Variants in PACRG observed in about 807,000 individuals in gnomAD.
The protein encoded by PACRG is parkin coregulated gene protein.
Under a neutral mutation model 29.7 loss-of-function variants are expected in PACRG, and 29 were observed. The observed-to-expected ratio is 0.98, with a 90% CI of 0.73 to 1.33. PACRG has a LOEUF of 1.33. Ranked by LOEUF, PACRG falls within the 40% of genes most tolerant of loss-of-function variation. PACRG has a pLI of 0.00. For synonymous variants in PACRG, 116 were observed against 118.7 expected (o/e 0.98, Z 0.15); for missense variants, 279 against 316.2 (o/e 0.88, Z 0.89).
At chr6:162,825,359 C>T (rs1225711683) in intron 2 of PACRG, among the ~76,000 whole-genome samples, 1 of 152,172 alleles carries the variant, frequency 6.6e-6, no homozygotes, top group Non-Finnish European at 1.5e-5. Flanking sequence ...TTCCAGCTTT[C>T]ACATCTCTGC....
intron 2 of PACRG, among the ~76,000 whole-genome samples, chr6:162,852,927 A>C (rs2128428288): frequency 6.6e-6 from 1 of 152,312 alleles, no homozygotes; most frequent in African/African-American, 2.4e-5. Context: ...AAACTGCCTG[A>C]CTTACAACAG....
At chr6:163,130,773 G>A (rs550413337) in intron 4 of PACRG, among the ~76,000 whole-genome samples, 3 of 152,122 alleles carry the variant, frequency 2.0e-5, no homozygotes, top group Non-Finnish European at 2.9e-5. Context: ...TGCACTTAGC[G>A]GGTCCTTTGC....
chr6:163,176,851 A>G (rs1298523222), intron 4 of PACRG, among the ~76,000 whole-genome samples: 2 of 152,216 alleles, frequency 1.3e-5, no homozygotes, highest in Non-Finnish European at 2.9e-5. Context: ...AAGGCTGGAG[A>G]GAGGGAAAGT....
chr6:162,780,815 T>C (rs1405890886), intron 1 of PACRG, among the ~76,000 whole-genome samples: 1 of 151,872 alleles, frequency 6.6e-6, no homozygotes, highest in Non-Finnish European at 1.5e-5. Context: ...AAAAGATTTG[T>C]GAACTTGAGA....
chr6:163,080,778 T>A (rs576952689), intron 3 of PACRG, among the ~76,000 whole-genome samples: 13 of 152,366 alleles, frequency 8.5e-5, no homozygotes, highest in African/African-American at 3.1e-4. Flanking sequence ...AAAACTTTGA[T>A]GGAAAATCTG....
At chr6:163,145,899 G>A (rs748154627) in intron 4 of PACRG, among the ~76,000 whole-genome samples, 17 of 152,212 alleles carry the variant, frequency 1.1e-4, no homozygotes, top group Non-Finnish European at 1.3e-4. Context: ...GGTGAGATGA[G>A]AGGCGGTGAG....
At chr6:163,004,389 C>T (rs1804849522) in intron 2 of PACRG, among the ~76,000 whole-genome samples, 1 of 151,726 alleles carries the variant, frequency 6.6e-6, no homozygotes, top group Admixed American at 6.6e-5. Flanking sequence ...GTTCAACATG[C>T]TGGGGTTGGC....
At position 163,289,750 on chromosome 6, in the gene PACRG, CAGGGGGA is replaced by C. The variant is rs1378634702; in HGVS notation, c.614-25076_614-25070del. Among the ~76,000 whole-genome samples the C allele has an allele frequency of 4.3e-3, 658 of 152,266 alleles. 5 individuals are homozygous for C. Among genetic ancestry groups the C allele is most frequent in the African/African-American group, 0.014 (589 of 41,560 alleles). On this transcript the variant is annotated intron_variant, in intron 4 of 4. Transcript: ENST00000366888. ...AGGAAATGAAGACCGGGAGTGGGGACAGGGGGAGCTGGTGCCAGGGCAGGGACAGAGC... is the reference window on the plus strand; with the variant it reads ...AGGAAATGAAGACCGGGAGTGGGGACGCTGGTGCCAGGGCAGGGACAGAGC...
chr6:162,854,954 T>G (rs984998089), intron 2 of PACRG, among the ~76,000 whole-genome samples: 2 of 152,228 alleles, frequency 1.3e-5, no homozygotes, highest in African/African-American at 4.8e-5. Context: ...CTTGCGCTCT[T>G]CCTAGAGCAG....
chr6:163,008,407 T>C (rs1022167972), intron 2 of PACRG, among the ~76,000 whole-genome samples: 6 of 152,070 alleles, frequency 3.9e-5, no homozygotes, highest in East Asian at 1.9e-4. Context: ...TCCAAATCCA[T>C]GTGGGATCTT....
intron 1 of PACRG, among the ~76,000 whole-genome samples, chr6:162,765,997 T>C (rs1475915425): frequency 6.6e-6 from 1 of 152,218 alleles, no homozygotes; most frequent in Non-Finnish European, 1.5e-5. Context: ...TGTCAAGATA[T>C]GTGGATACAC....
At chr6:162,807,000 C>T (rs1257610117) in intron 1 of PACRG, among the ~76,000 whole-genome samples, 1 of 152,238 alleles carries the variant, frequency 6.6e-6, no homozygotes, top group East Asian at 1.9e-4. Context: ...TCCATCAGCA[C>T]TTGCTGCCTC....
chr6:162,727,341 G>GTGAGGGGCGGCGGCGGGGCGA (rs2128242793), upstream of PACRG: 1 of 404,520 alleles, frequency 2.5e-6, no homozygotes, highest in Non-Finnish European at 4.4e-6. Flanking sequence ...CGGGGAGAAG[G>GTGAGGGGCGGCGGCGGGGCGA]CTTCGGGACC....
intron 3 of PACRG, among the ~76,000 whole-genome samples, chr6:163,088,789 C>A (rs772253086): frequency 6.6e-6 from 1 of 151,964 alleles, no homozygotes; most frequent in Non-Finnish European, 1.5e-5. Flanking sequence ...TTGTAACCAG[C>A]CTATAGATTT....
chr6:162,886,337 C>T (rs930427934), intron 2 of PACRG, among the ~76,000 whole-genome samples: 1 of 152,202 alleles, frequency 6.6e-6, no homozygotes, highest in African/African-American at 2.4e-5. Flanking sequence ...CCTCCTTGGC[C>T]TTCTCATCAT....
At chr6:163,001,205 A>C (rs1188195500) in intron 2 of PACRG, among the ~76,000 whole-genome samples, 1 of 152,216 alleles carries the variant, frequency 6.6e-6, no homozygotes, top group Non-Finnish European at 1.5e-5. Context: ...TATTTGATGC[A>C]CTGTCCAAAG....
At chr6:162,775,422 G>C (rs77442212) in intron 1 of PACRG, among the ~76,000 whole-genome samples, 11,863 of 152,156 alleles carry the variant, frequency 0.078, 561 homozygotes, top group Middle Eastern at 0.13. Context: ...AGTGTTAGAG[G>C]TATATACTTA....
intron 4 of PACRG, among the ~76,000 whole-genome samples, chr6:163,235,307 C>T (rs7776128): frequency 0.41 from 63,071 of 151,990 alleles, 14,095 homozygotes; most frequent in African/African-American, 0.58. Flanking sequence ...TATTTCTTCT[C>T]CATTGATAAA....
chr6:162,808,738 C>T (rs1562618336), intron 1 of PACRG, among the ~76,000 whole-genome samples: 1 of 152,178 alleles, frequency 6.6e-6, no homozygotes, highest in African/African-American at 2.4e-5. Flanking sequence ...TTACAGATTG[C>T]CCCTACCATT....
Sources: gnomAD v4.1 joint callset for allele counts (sites outside exome capture counted in the v4.1 genomes callset) on GRCh38, gnomAD v4.1.1 for gene constraint, MANE v1.5 for transcripts, NCBI Gene and HGNC (gene_info 2026-07-23, HGNC 2026-07-21) for gene names.